The following GUSB variants were observed in gnomAD, a reference collection of about 807,000 sequenced individuals.
GUSB encodes beta-glucuronidase.
In GUSB, 51 loss-of-function variants were observed where a neutral mutation model predicts 74.6. The ratio of observed to expected loss-of-function variants is 0.68; its 90% CI spans 0.55 to 0.86. The LOEUF (loss-of-function observed/expected upper bound fraction) is 0.86, where lower values mean the gene tolerates loss of function less well. Ranked by LOEUF, GUSB falls within the 40% of genes least tolerant of loss-of-function variation. The probability of loss-of-function intolerance (pLI) is 0.00; values close to 1 mark genes in which losing one functional copy is unlikely to be tolerated. For synonymous variants in GUSB, 360 were observed against 348.3 expected, an observed-to-expected ratio of 1.03 and a Z score of -0.37; for missense variants, 736 against 853.7, an observed-to-expected ratio of 0.86 and a Z score of 1.72.
intron 9 of GUSB, among the ~76,000 whole-genome samples, chr7:65,969,652 G>A (rs1791070277): frequency 6.6e-6 from 1 of 152,096 alleles, no homozygotes; most frequent in Admixed American, 6.6e-5. Flanking sequence ...AGCTGTGATT[G>A]CACCACTGCA....
chr7:65,974,976 G>C lies in GUSB; in HGVS notation c.1008C>G (p.Phe336Leu). 6.2e-7 allele frequency: 1 copy of C among 1,613,684 alleles called. No homozygotes were observed. The highest frequency in any genetic ancestry group is 8.5e-7 in the Non-Finnish European group (1 of 1,179,630). The change falls in exon 6 of 12, where the codon TTC becomes TTG. Residue 336 changes from phenylalanine (F) to leucine (L), a missense_variant. Physicochemically the swap from Phe to Leu is conservative, Grantham distance 22. Transcript: ENST00000304895. ...IRTVAVTKSQ[F>L]LINGKPFYFH... is the part of the protein sequence containing the mutation. ...AATAGAAAGGTTTCCCATTGATGAG[G>C]AACTGGCTCTTGGTGACAGCCACAG...
intron 2 of GUSB, 39 bp downstream of exon 2, chr7:65,980,185 G>GGGGGCCCCCCC: frequency 1.4e-6 from 1 of 725,274 alleles, no homozygotes; most frequent in Non-Finnish European, 2.4e-6. Flanking sequence ...CAGCAGCCGT[G>GGGGGCCCCCCC]CCCCCCCACC....
At chr7:65,981,299 C>T (rs1431766907) in intron 1 of GUSB, among the ~76,000 whole-genome samples, 2 of 142,904 alleles carry the variant, frequency 1.4e-5, no homozygotes, top group African/African-American at 2.6e-5. Flanking sequence ...GCATCCTGAT[C>T]TCAGCTCACT....
chr7:65,970,509 T>G, intron 8 of GUSB, 143 bp from the exon 9 acceptor site: 1 of 635,972 alleles, frequency 1.6e-6, no homozygotes, highest in Non-Finnish European at 2.9e-6. Context: ...CCCAGCACTT[T>G]GGGAGGCCGA....
chr7:65,968,993 C>T lies in GUSB; in HGVS notation c.1477-1086G>A, dbSNP rs192693140. Among the ~76,000 whole-genome samples the T allele has an allele frequency of 3.3e-4, 51 of 152,300 alleles. 1 individual carries two copies. The East Asian group carries it at 9.7e-3, about 29-fold the overall frequency. ...GCGGTGACGACCGAGTAGGACCACC[C>T]CAAGCTTCAGCATAGCGGTGCTTAC... On this transcript the variant is annotated intron_variant, in intron 9 of 11. Transcript: ENST00000304895.
rs1218360061 is a variant in GUSB, at chr7:65,982,048, T to G, written c.136A>C (p.Ser46Arg). The G allele has an allele frequency of 6.2e-7, 1 of 1,610,746 alleles. No homozygotes were observed. The highest frequency in any genetic ancestry group is 8.5e-7 in the Non-Finnish European group (1 of 1,179,330). Residue 46 changes from serine (S) to arginine (R), a missense_variant, in exon 1 of 12, where the codon AGC becomes CGC. Coordinates refer to ENST00000304895, the MANE Select transcript of GUSB (RefSeq NM_000181.4). The stretch of plus-strand genomic sequence containing the variant: ...TTGTCAGAGAAGTCGGCGCGGAAGC[T>G]CCAGAGGCCGTCCAGCTCCTTGCAC... Reference protein sequence around the residue: ...RECKELDGLWSFRADFSDNRR... With the variant: ...RECKELDGLWRFRADFSDNRR...
At chr7:65,980,756 G>A (rs78822350) in intron 1 of GUSB, 7,170 of 387,480 alleles carry the variant, frequency 0.019, 478 homozygotes, top group African/African-American at 0.13. Flanking sequence ...GGAGGAATGG[G>A]GGGAGCTTTG....
intron 8 of GUSB, among the ~76,000 whole-genome samples, chr7:65,973,282 G>A (rs140250349): frequency 1.5e-3 from 231 of 152,050 alleles, no homozygotes; most frequent in African/African-American, 5.4e-3. Flanking sequence ...GTGAAACCCC[G>A]TCTCTACTGA....
chr7:65,974,455 G>C lies in GUSB; in HGVS notation c.1245-14C>G, dbSNP rs539361188. ...TTGAAGAACTGCCTGCGGGCCAGGA[G>C]GGAAGGGACAGAGGGTCACGGTGAC... On this transcript the variant is annotated splice_polypyrimidine_tract_variant and intron_variant, in intron 7 of 11. Coordinates refer to ENST00000304895, the MANE Select transcript of GUSB (RefSeq NM_000181.4). 1 of 1,614,186 alleles carries C rather than the reference G, an allele frequency of 6.2e-7. No individual in the cohort carries two copies. The highest frequency in any genetic ancestry group is 1.1e-5 in the South Asian group (1 of 91,088).
intron 8 of GUSB, among the ~76,000 whole-genome samples, chr7:65,971,731 G>T (rs1199344804): frequency 1.4e-5 from 2 of 143,364 alleles, no homozygotes. Flanking sequence ...ACTCCATCTT[G>T]CGGAAAAAAA....
At position 65,979,365 on chromosome 7, in the gene GUSB, G is replaced by GC. The variant is rs772764515; in HGVS notation, c.724+33dup. ...CAGGGAACAAACAGAGCCACCCTGGGCCCCGCTGAGAGGATCCTACCAGAA... is the reference window on the plus strand; with the variant it reads ...CAGGGAACAAACAGAGCCACCCTGGGCCCCCGCTGAGAGGATCCTACCAGAA... On this transcript the variant is annotated intron_variant, in intron 4 of 11. Transcript: ENST00000304895. 14 of 1,564,020 alleles carry GC rather than the reference G, an allele frequency of 9.0e-6. No homozygotes were observed. The South Asian group carries it at 1.5e-4, about 16-fold the overall frequency.
At chr7:65,972,169 TG>T (rs1365209443) in intron 8 of GUSB, among the ~76,000 whole-genome samples, 3 of 152,170 alleles carry the variant, frequency 2.0e-5, no homozygotes, top group African/African-American at 4.8e-5. Flanking sequence ...TTTTTGTTTT[TG>T]TTTTTTTGAG....
chr7:65,981,295 T>C (rs930479071), intron 1 of GUSB, among the ~76,000 whole-genome samples: 5 of 149,390 alleles, frequency 3.3e-5, no homozygotes, highest in Admixed American at 6.8e-5. Context: ...AGTGGCATCC[T>C]GATCTCAGCT....
intron 11 of GUSB, among the ~76,000 whole-genome samples, chr7:65,961,945 T>G (rs1157740597): frequency 6.6e-6 from 1 of 151,234 alleles, no homozygotes; most frequent in East Asian, 1.9e-4. Flanking sequence ...GAGGTTGCAG[T>G]GAGCTGAGAT....
rs765983374 is a variant in GUSB at position 65,961,057 on chromosome 7, G to A, written c.1796C>T (p.Thr599Met). The A allele has an allele frequency of 2.4e-5, 38 of 1,610,816 alleles. No homozygotes were observed. Among genetic ancestry groups the A allele is most frequent in the Admixed American group, 6.7e-5 (4 of 59,682 alleles). ...CCCCTTTTTATTCCCCAGCACTCTC[G>A]TCGGTGCTACAAAAAAAAAAAAAAG... is the stretch of plus-strand genomic sequence containing the variant. ...FADFMTEQSP[T>M]RVLGNKKGIF... Residue 599 changes from threonine (T) to methionine (M), a missense_variant, in exon 12 of 12, where the codon ACG (threonine) becomes ATG (methionine). Thr to Met is a moderately conservative substitution (Grantham distance 81, BLOSUM62 -1). Around this residue, in one of 2 missense-constraint regions of GUSB, gnomAD observed 368 missense variants for 489.9 expected, o/e 0.75. Transcript: ENST00000304895.
At chr7:65,977,067 T>A (rs1212977964) in intron 4 of GUSB, among the ~76,000 whole-genome samples, 1 of 152,122 alleles carries the variant, frequency 6.6e-6, no homozygotes, top group Non-Finnish European at 1.5e-5. Flanking sequence ...TAGGAATTCA[T>A]CACGGAAGAC....
At position 65,976,069 on chromosome 7, in the gene GUSB, G is replaced by C; in HGVS notation, c.858C>G (p.Ser286Arg). The stretch of plus-strand genomic sequence containing the variant: ...CGTGCATCAGGTACGGCCACCAGAG[G>C]CTGACACCTGGCACCTTAAGTTGGC... ...TQGQLKVPGV[S>R]LWWPYLMHER... is the part of the protein sequence containing the mutation. The change falls in exon 5 of 12, where the codon AGC becomes AGG. Residue 286 changes from serine to arginine, a missense_variant. Ser to Arg is a moderately radical substitution (Grantham distance 110). Coordinates refer to ENST00000304895, the MANE Select transcript of GUSB (RefSeq NM_000181.4). 1 of 1,613,914 alleles carries C rather than the reference G, an allele frequency of 6.2e-7. No homozygotes were observed. Among genetic ancestry groups the C allele is most frequent in the Non-Finnish European group, 8.5e-7 (1 of 1,180,006 alleles).
In GUSB at chr7:65,976,042, T is replaced by C. The variant is rs763358124; in HGVS notation, c.885A>G (p.Glu295=). Residue 295 remains glutamate (E), a synonymous_variant, in exon 5 of 12, where the codon GAA becomes GAG. Transcript: ENST00000304895. ...VSLWWPYLMH[E]RPAYLYSLEV... is the part of the protein sequence containing the mutation. Reference sequence around the variant, plus strand: ...CCAATGAATACAGATAGGCAGGGCGTTCGTGCATCAGGTACGGCCACCAGA... The same window carrying C: ...CCAATGAATACAGATAGGCAGGGCGCTCGTGCATCAGGTACGGCCACCAGA... The C allele has an allele frequency of 1.2e-6, 2 of 1,613,794 alleles. No individual in the cohort carries two copies. The highest frequency in any genetic ancestry group is 1.7e-6 in the Non-Finnish European group (2 of 1,179,982).
In GUSB at chr7:65,980,991, C is replaced by T. The variant is rs181497670; in HGVS notation, c.211-582G>A. Among the ~76,000 whole-genome samples, 285 of 152,306 alleles carry T rather than the reference C, an allele frequency of 1.9e-3. 3 individuals are homozygous for T. The highest frequency in any genetic ancestry group is 6.7e-3 in the African/African-American group (278 of 41,568). ...TGTCCTCTATGTGAACCTTGAAAAC[C>T]AAGGGACTTCCTGCCTCGGCAGAGC... On this transcript the variant is annotated intron_variant, in intron 1 of 11. Coordinates refer to ENST00000304895, the MANE Select transcript of GUSB (RefSeq NM_000181.4).
Sources: gnomAD v4.1 joint callset for allele counts (sites outside exome capture counted in the v4.1 genomes callset) on GRCh38, gnomAD v4.1.1 for gene constraint, gnomAD v4.1.1 regional missense constraint, MANE v1.5 for transcripts, NCBI Gene and HGNC (gene_info 2026-07-23, HGNC 2026-07-21) for gene names.